Variants in SOX5 observed in about 807,000 individuals in gnomAD.
The protein encoded by SOX5 is transcription factor SOX-5.
In SOX5, 9 loss-of-function variants were observed where a neutral mutation model predicts 92.0. The ratio of observed to expected loss-of-function variants is 0.10; its 90% CI spans 0.06 to 0.17. The LOEUF is 0.17. Ranked by LOEUF, SOX5 falls within the 10% of genes least tolerant of loss-of-function variation. The probability of loss-of-function intolerance (pLI) is 1.00; values close to 1 mark genes in which losing one functional copy is unlikely to be tolerated. For missense variants in SOX5, 642 were observed against 944.5 expected (o/e 0.68, Z 4.20); for synonymous variants, 344 against 336.3 (o/e 1.02, Z -0.25).
At chr12:24,008,163 G>A (rs975727789) in intron 4 of SOX5, among the ~76,000 whole-genome samples, 4 of 151,918 alleles carry the variant, frequency 2.6e-5, no homozygotes, top group African/African-American at 7.3e-5. Context: ...TCGAGATAAC[G>A]AGTGAAAAAT....
intron 9 of SOX5, among the ~76,000 whole-genome samples, chr12:23,600,559 A>T (rs2074353004): frequency 7.1e-6 from 1 of 140,620 alleles, no homozygotes; most frequent in Non-Finnish European, 1.6e-5. Context: ...ATATACACAT[A>T]CTTGGCTTGG....
At chr12:23,654,389 C>T (rs1592985842) in intron 7 of SOX5, among the ~76,000 whole-genome samples, 1 of 151,936 alleles carries the variant, frequency 6.6e-6, no homozygotes, top group East Asian at 1.9e-4. Flanking sequence ...GATTTCTGTT[C>T]ATCAACAAGA....
At chr12:23,924,656 A>G (rs536827747) in intron 1 of SOX5, among the ~76,000 whole-genome samples, 1 of 152,224 alleles carries the variant, frequency 6.6e-6, no homozygotes, top group Admixed American at 6.5e-5. Context: ...ACTTACTAAA[A>G]TGTGAAATTT....
rs145687368 is a variant in SOX5 at position 24,341,899 on chromosome 12, C to T, written c.-174+26664G>A. 2.4e-3 allele frequency among the ~76,000 whole-genome samples: 368 copies of T among 152,272 alleles called. 2 individuals carry two copies. Among genetic ancestry groups the T allele is most frequent in the African/African-American group, 8.5e-3 (353 of 41,550 alleles). On this transcript the variant is annotated intron_variant, in intron 2 of 4. Coordinates refer to the SOX5 transcript ENST00000446891. Reference sequence around the variant, plus strand: ...TGGGTTCTGGTAAGGCCACCTCCTCCGTTGGTTGCTCCAGCACTAAGGGTG... The same window carrying T: ...TGGGTTCTGGTAAGGCCACCTCCTCTGTTGGTTGCTCCAGCACTAAGGGTG...
intron 2 of SOX5, among the ~76,000 whole-genome samples, chr12:24,305,606 GT>G (rs889945590): frequency 1.3e-5 from 2 of 151,950 alleles, no homozygotes; most frequent in Admixed American, 6.6e-5. Context: ...TGTGTGTGTG[GT>G]TTTTTTTGGA....
At chr12:23,959,552 T>C (rs1302069561) in intron 4 of SOX5, among the ~76,000 whole-genome samples, 1 of 152,002 alleles carries the variant, frequency 6.6e-6, no homozygotes, top group African/African-American at 2.4e-5. Flanking sequence ...ACAAAAGATT[T>C]ATAAATCCAG....
intron 4 of SOX5, among the ~76,000 whole-genome samples, chr12:23,963,625 T>C (rs1947207230): frequency 6.6e-6 from 1 of 152,032 alleles, no homozygotes; most frequent in African/African-American, 2.4e-5. Flanking sequence ...GACTAAATCC[T>C]GAGTCTAGCA....
chr12:24,555,580 C>A (rs924511236), intron 1 of SOX5, among the ~76,000 whole-genome samples: 4 of 152,030 alleles, frequency 2.6e-5, no homozygotes, highest in African/African-American at 9.7e-5. Flanking sequence ...CTCCATGCCA[C>A]AAACAGTACA....
chr12:23,687,926 C>G (rs968571068), intron 6 of SOX5, among the ~76,000 whole-genome samples: 1 of 151,490 alleles, frequency 6.6e-6, no homozygotes, highest in Non-Finnish European at 1.5e-5. Context: ...TTTCAATCAG[C>G]CTGCCACTGA....
intron 1 of SOX5, among the ~76,000 whole-genome samples, chr12:24,477,423 T>C (rs1945518003): frequency 1.3e-5 from 2 of 152,144 alleles, no homozygotes; most frequent in South Asian, 4.1e-4. Flanking sequence ...TGTAAGCCAC[T>C]GCGCCTGGCT....
intron 4 of SOX5, among the ~76,000 whole-genome samples, chr12:24,058,879 G>T (rs1176645609): frequency 1.3e-5 from 2 of 152,146 alleles, no homozygotes; most frequent in Non-Finnish European, 2.9e-5. Context: ...TCCAGCTGCT[G>T]CTTCTGGTGG....
intron 4 of SOX5, among the ~76,000 whole-genome samples, chr12:24,162,552 A>G (rs1952876909): frequency 1.3e-5 from 2 of 152,126 alleles, no homozygotes; most frequent in Admixed American, 6.6e-5. Flanking sequence ...TATTTTCTCA[A>G]AGTAACTGTA....
intron 6 of SOX5, among the ~76,000 whole-genome samples, chr12:23,719,323 GATAA>G (rs2092681493): frequency 6.6e-6 from 1 of 152,112 alleles, no homozygotes; most frequent in Admixed American, 6.5e-5. Context: ...CTACATGAGA[GATAA>G]ATAAATACCA....
chr12:24,401,708 T>TAAAAAAAAAAAAAAA (rs71063321), intron 1 of SOX5, among the ~76,000 whole-genome samples: 4 of 99,462 alleles, frequency 4.0e-5, no homozygotes, highest in African/African-American at 1.6e-4. Context: ...ACCCTATCTT[T>TAAAAAAAAAAAAAAA]AAAAAAAAAA....
chr12:24,320,351 T>C (rs73287633), intron 2 of SOX5, among the ~76,000 whole-genome samples: 4,454 of 152,296 alleles, frequency 0.029, 208 homozygotes, highest in African/African-American at 0.1. Flanking sequence ...CTCCTCAATA[T>C]TGAACTCTTG....
At chr12:23,968,033 C>T (rs1947794268) in intron 4 of SOX5, among the ~76,000 whole-genome samples, 1 of 152,274 alleles carries the variant, frequency 6.6e-6, no homozygotes, top group South Asian at 2.1e-4. Context: ...CTGTTTGCAT[C>T]ATTCTCATTA....
intron 2 of SOX5, among the ~76,000 whole-genome samples, chr12:24,359,087 A>C (rs1955205560): frequency 6.6e-6 from 1 of 152,240 alleles, no homozygotes; most frequent in Non-Finnish European, 1.5e-5. Flanking sequence ...TTATCAGTAC[A>C]TAATGCAGTG....
intron 4 of SOX5, among the ~76,000 whole-genome samples, chr12:23,741,661 A>G (rs1295550783): frequency 6.6e-6 from 1 of 152,212 alleles, no homozygotes; most frequent in East Asian, 1.9e-4. Context: ...TTTAGAGCGT[A>G]TTCCCCATAT....
intron 4 of SOX5, among the ~76,000 whole-genome samples, chr12:24,009,774 T>C (rs189415550): frequency 1.3e-5 from 2 of 152,316 alleles, no homozygotes; most frequent in Admixed American, 1.3e-4. Context: ...CAGGTCACAT[T>C]ATTTAAGAAT....
Sources: allele counts gnomAD v4.1 joint callset (sites outside exome capture counted in the v4.1 genomes callset), GRCh38; gene constraint gnomAD v4.1.1; transcripts MANE v1.5; gene names NCBI Gene and HGNC (gene_info 2026-07-23, HGNC 2026-07-21).